Variants in MRTFA observed in about 807,000 individuals in gnomAD.
MRTFA encodes myocardin related transcription factor A, also known as myocardin-related transcription factor A.
A neutral mutation model predicts 83.5 loss-of-function variants in MRTFA; 20 were observed. The ratio of observed to expected loss-of-function variants is 0.24; its 90% CI spans 0.17 to 0.35. The LOEUF is 0.35. Ranked by LOEUF, MRTFA falls within the 10% of genes least tolerant of loss-of-function variation. MRTFA has a pLI of 1.00. For synonymous variants in MRTFA, 659 were observed against 541.2 expected (o/e 1.22, Z -3.02); for missense variants, 1,200 against 1,224.7 (o/e 0.98, Z 0.30).
At chr22:40,624,154 T>C (rs921774387) in intron 1 of MRTFA, among the ~76,000 whole-genome samples, 34 of 150,634 alleles carry the variant, frequency 2.3e-4, no homozygotes, top group African/African-American at 7.7e-4. Context: ...CCAGGCACAG[T>C]GGCTAACACC....
Position 40,418,590 on chromosome 22 carries a change from C to A in MRTFA, c.2148G>T (p.Pro716=). ...GCTTCACCACCACGGACGGGGGCCCCGGGGCCACAGCACAAGGGTCTATGT... is the reference window on the plus strand; with the variant it reads ...GCTTCACCACCACGGACGGGGGCCCAGGGGCCACAGCACAAGGGTCTATGT... The change falls in exon 12 of 15, where the codon CCG becomes CCT. Residue 716 remains proline (P), a synonymous_variant. Transcript: ENST00000355630. The A allele has an allele frequency of 1.3e-6, 2 of 1,546,484 alleles. No individual in the cohort carries two copies. The highest frequency in any genetic ancestry group is 1.7e-6 in the Non-Finnish European group (2 of 1,153,344).
intron 2 of MRTFA, among the ~76,000 whole-genome samples, chr22:40,593,438 C>A (rs530254984): frequency 9.2e-5 from 14 of 152,288 alleles, no homozygotes; most frequent in South Asian, 4.1e-4. Context: ...CCTTTCTTTA[C>A]TTTCCATTAA....
intron 2 of MRTFA, chr22:40,586,744 G>A (rs564495177): frequency 6.9e-6 from 2 of 289,054 alleles, no homozygotes; most frequent in Non-Finnish European, 6.8e-6. Context: ...TTTTTTTTCA[G>A]CTACTGATGT....
At chr22:40,636,125 G>C (rs553255188) in intron 1 of MRTFA, among the ~76,000 whole-genome samples, 1 of 152,332 alleles carries the variant, frequency 6.6e-6, no homozygotes, top group South Asian at 2.1e-4. Flanking sequence ...CCCAGAGAAA[G>C]CGGCCGACAC....
At chr22:40,532,607 G>A (rs2055101992) in intron 3 of MRTFA, among the ~76,000 whole-genome samples, 1 of 152,156 alleles carries the variant, frequency 6.6e-6, no homozygotes. Context: ...TGTCTTCTTT[G>A]CCCCTTCCCT....
At chr22:40,565,279 G>T (rs1364747243) in intron 2 of MRTFA, among the ~76,000 whole-genome samples, 2 of 152,112 alleles carry the variant, frequency 1.3e-5, no homozygotes, top group African/African-American at 4.8e-5. Context: ...GGGTGCAGTG[G>T]TGCATGCCTG....
intron 1 of MRTFA, among the ~76,000 whole-genome samples, 154 bp downstream of exon 1, chr22:40,636,324 G>A (rs959224391): frequency 1.3e-5 from 2 of 152,146 alleles, no homozygotes; most frequent in Non-Finnish European, 2.9e-5. Flanking sequence ...CGAGGGCAGG[G>A]GCAGAAGGCC....
chr22:40,418,670 G>A lies in MRTFA; in HGVS notation c.2068C>T (p.Pro690Ser), dbSNP rs112458227. The A allele has an allele frequency of 1.8e-5, 27 of 1,524,246 alleles. No homozygotes were observed. In the African/African-American group the frequency reaches 3.2e-4, roughly 18 times the overall value. 94.4% of individuals were successfully genotyped at this position (1,524,246 alleles called of 1,614,324 possible). A position where few individuals can be genotyped will look rare whatever the true frequency, so the allele number is the denominator to read the frequency against. The change falls in exon 12 of 15, where the codon CCC (proline) becomes TCC (serine). Residue 690 changes from proline (P) to serine (S), a missense_variant. By Grantham distance (74) the Pro-to-Ser change is moderately conservative (BLOSUM62 -1). Around this residue, in one of 2 missense-constraint regions of MRTFA, gnomAD observed 1,107 missense variants for 1,041.8 expected, o/e 1.06. Transcript: ENST00000355630. ...TTGAATGGGTGAGCGGGGCCCAGGGGCTGCTGGCTCAGCTGGCAGCTGGAG... is the reference window on the plus strand; with the variant it reads ...TTGAATGGGTGAGCGGGGCCCAGGGACTGCTGGCTCAGCTGGCAGCTGGAG...
chr22:40,514,850 G>A (rs897518224), intron 3 of MRTFA, among the ~76,000 whole-genome samples: 1 of 151,650 alleles, frequency 6.6e-6, no homozygotes, highest in Non-Finnish European at 1.5e-5. Flanking sequence ...GAAATAGTTG[G>A]GTTGAAGGAC....
In MRTFA at chr22:40,416,386, C is replaced by G. The variant is rs2052679859; in HGVS notation, c.2578+600G>C. Reference sequence around the variant, plus strand: ...CTTGCACGGCTACTATCGCCTGGGTCCTGCATCAGACCAGGCCTTTTCTGC... The same window carrying G: ...CTTGCACGGCTACTATCGCCTGGGTGCTGCATCAGACCAGGCCTTTTCTGC... On this transcript the variant is annotated intron_variant, in intron 14 of 14. Transcript: ENST00000355630. The surrounding 1 kb of genome is among the most constrained non-coding windows in gnomAD (Gnocchi z 4.2). 6.6e-6 allele frequency among the ~76,000 whole-genome samples: 1 copy of G among 152,254 alleles called. No individual in the cohort carries two copies. Among genetic ancestry groups the G allele is most frequent in the African/African-American group, 2.4e-5 (1 of 41,468 alleles).
intron 7 of MRTFA, among the ~76,000 whole-genome samples, chr22:40,426,446 A>G (rs1328422388): frequency 6.6e-6 from 1 of 152,114 alleles, no homozygotes; most frequent in Non-Finnish European, 1.5e-5. Context: ...TATTGAGCAA[A>G]TGAGCTACAT....
chr22:40,508,512 TC>T (rs1304612894), intron 3 of MRTFA, among the ~76,000 whole-genome samples: 1 of 38,546 alleles, frequency 2.6e-5, no homozygotes, highest in Non-Finnish European at 4.6e-5. Context: ...ACTCCGTCTC[TC>T]AAAAAAAAAA....
At chr22:40,517,607 T>A (rs2054782953) in intron 3 of MRTFA, among the ~76,000 whole-genome samples, 1 of 152,178 alleles carries the variant, frequency 6.6e-6, no homozygotes, top group Non-Finnish European at 1.5e-5. Flanking sequence ...TCTGCCACAC[T>A]GCAATGTTGT....
chr22:40,539,365 A>G (rs1310618534), intron 3 of MRTFA, among the ~76,000 whole-genome samples: 1 of 146,938 alleles, frequency 6.8e-6, no homozygotes, highest in Non-Finnish European at 1.5e-5. Context: ...TTTGAGACAG[A>G]ATCTTGCTCT....
At chr22:40,489,498 A>T (rs1362748041) in intron 3 of MRTFA, among the ~76,000 whole-genome samples, 1 of 151,312 alleles carries the variant, frequency 6.6e-6, no homozygotes, top group Non-Finnish European at 1.5e-5. Context: ...TTTTTTCTAG[A>T]GACAGGGTCT....
intron 3 of MRTFA, among the ~76,000 whole-genome samples, chr22:40,542,432 T>C (rs913554129): frequency 3.2e-4 from 49 of 152,354 alleles, no homozygotes; most frequent in Non-Finnish European, 6.3e-4. Flanking sequence ...AACTCTTTGT[T>C]GAGTCTTTTT....
chr22:40,530,272 A>G (rs2055055068), intron 3 of MRTFA, among the ~76,000 whole-genome samples: 1 of 152,186 alleles, frequency 6.6e-6, no homozygotes. Flanking sequence ...CTGAAATTCC[A>G]TAATGTCCAT....
intron 3 of MRTFA, chr22:40,522,843 G>C (rs534384342): frequency 6.6e-6 from 1 of 152,080 alleles, no homozygotes; most frequent in Non-Finnish European, 1.5e-5. Flanking sequence ...TGTTCGGGAT[G>C]GTTTCAACCA....
At chr22:40,529,120 T>C (rs188112276) in intron 3 of MRTFA, among the ~76,000 whole-genome samples, 379 of 152,296 alleles carry the variant, frequency 2.5e-3, no homozygotes, top group Middle Eastern at 6.8e-3. Context: ...AAAACTTATA[T>C]GTCCACAATC....
Sources: gnomAD v4.1 joint callset for allele counts (sites outside exome capture counted in the v4.1 genomes callset) on GRCh38, gnomAD v4.1.1 for gene constraint, gnomAD v4.1.1 regional missense constraint, Gnocchi (gnomAD v3.1) non-coding constraint, MANE v1.5 for transcripts, NCBI Gene and HGNC (gene_info 2026-07-23, HGNC 2026-07-21) for gene names.